FREM1: variants seen among roughly 807,000 people sequenced by gnomAD.
The protein encoded by FREM1 is FRAS1 related extracellular matrix 1, also known as FRAS1-related extracellular matrix protein 1.
In FREM1, 220 loss-of-function variants were observed where a neutral mutation model predicts 210.1. The observed-to-expected ratio is 1.05, with a 90% CI of 0.94 to 1.17. The LOEUF (loss-of-function observed/expected upper bound fraction) is 1.17, where lower values mean the gene tolerates loss of function less well. FREM1 is among the 50% of genes most tolerant of loss of function. The pLI is 0.00. For missense variants in FREM1, 3,454 were observed against 2,675.5 expected (o/e 1.29, Z -6.42); for synonymous variants, 1,189 against 980.2 (o/e 1.21, Z -3.98).
chr9:14,820,584 G>T (rs1028806760), intron 13 of FREM1, among the ~76,000 whole-genome samples: 3 of 152,214 alleles, frequency 2.0e-5, no homozygotes, highest in Non-Finnish European at 2.9e-5. Flanking sequence ...TGGACACCAC[G>T]GCACAGTGCT....
rs886063773 is a variant in FREM1 at position 14,869,037 on chromosome 9, T to A, written c.-60A>T. ...GAAATCCCTTTAACAAAGGAGGGCTTCTGTGCTTCCTCCTGGAGGGTCAGC... is the reference window on the plus strand; with the variant it reads ...GAAATCCCTTTAACAAAGGAGGGCTACTGTGCTTCCTCCTGGAGGGTCAGC... On this transcript the variant is annotated 5_prime_UTR_variant, in exon 2 of 37. Coordinates refer to ENST00000380880, the MANE Select transcript of FREM1 (RefSeq NM_001379081.2). 17 of 1,211,784 alleles carry A rather than the reference T, an allele frequency of 1.4e-5. No homozygotes were observed. The highest frequency in any genetic ancestry group is 1.9e-5 in the Non-Finnish European group (17 of 875,394). 75.1% of individuals were successfully genotyped at this position (1,211,784 alleles called of 1,614,324 possible).
chr9:14,786,401 A>C (rs1239199328), intron 23 of FREM1, among the ~76,000 whole-genome samples: 1 of 152,218 alleles, frequency 6.6e-6, no homozygotes, highest in African/African-American at 2.4e-5. Context: ...TGAACTTAAA[A>C]ACACAGTGGC....
chr9:14,876,861 T>C (rs1833856396), intron 1 of FREM1, among the ~76,000 whole-genome samples: 1 of 152,166 alleles, frequency 6.6e-6, no homozygotes, highest in African/African-American at 2.4e-5. Flanking sequence ...TTTGACAAGA[T>C]ACAATATTTT....
chr9:14,886,780 C>T (rs1264828702), intron 1 of FREM1, among the ~76,000 whole-genome samples: 1 of 151,792 alleles, frequency 6.6e-6, no homozygotes, highest in Non-Finnish European at 1.5e-5. Flanking sequence ...TGCCTGTGGT[C>T]CCAGCCACTG....
At chr9:14,891,791 C>T (rs1295157837) in intron 1 of FREM1, among the ~76,000 whole-genome samples, 2 of 152,214 alleles carry the variant, frequency 1.3e-5, no homozygotes, top group Non-Finnish European at 2.9e-5. Flanking sequence ...GTCAAAGAAT[C>T]AACAAGTAGG....
intron 25 of FREM1, among the ~76,000 whole-genome samples, chr9:14,775,124 T>C (rs1229535820): frequency 6.6e-6 from 1 of 152,204 alleles, no homozygotes; most frequent in African/African-American, 2.4e-5. Context: ...TCCTACTGAA[T>C]TCTCACCACA....
chr9:14,804,477 C>T (rs772539241), intron 19 of FREM1, among the ~76,000 whole-genome samples: 9 of 152,100 alleles, frequency 5.9e-5, no homozygotes, highest in African/African-American at 1.9e-4. Context: ...CCCAGCTACT[C>T]GGGAGGCTGA....
At chr9:14,744,066 T>C (rs1842011236) in intron 35 of FREM1, among the ~76,000 whole-genome samples, 1 of 152,076 alleles carries the variant, frequency 6.6e-6, no homozygotes, top group African/African-American at 2.4e-5. Context: ...TTTGTAAAAA[T>C]TTTAATATTT....
At chr9:14,878,848 C>A (rs1193755325) in intron 1 of FREM1, among the ~76,000 whole-genome samples, 5 of 151,870 alleles carry the variant, frequency 3.3e-5, no homozygotes, top group Admixed American at 6.6e-5. Flanking sequence ...ATTATTATAT[C>A]TAAAAAGAAA....
rs1277839785 is a variant in FREM1 at position 14,910,201 on chromosome 9, T to G, written c.-555A>C. 1 of 152,302 alleles carries G rather than the reference T, an allele frequency of 6.6e-6. No individual in the cohort carries two copies. The highest frequency in any genetic ancestry group is 1.5e-5 in the Non-Finnish European group (1 of 68,114). 9.4% of individuals were successfully genotyped at this position (152,302 alleles called of 1,614,324 possible). A position where few individuals can be genotyped will look rare whatever the true frequency, so the allele number is the denominator to read the frequency against. On this transcript the variant is annotated 5_prime_UTR_variant, in exon 1 of 37. Transcript: ENST00000380880. ...TCTTCTCCAAGGCAGCTGCTGCAGCTTTGCAAACTTCCTGAGCGCCAAGCC... is the reference window on the plus strand; with the variant it reads ...TCTTCTCCAAGGCAGCTGCTGCAGCGTTGCAAACTTCCTGAGCGCCAAGCC...
intron 3 of FREM1, among the ~76,000 whole-genome samples, chr9:14,861,480 G>A (rs1830565171): frequency 6.8e-6 from 1 of 146,748 alleles, no homozygotes; most frequent in Non-Finnish European, 1.5e-5. Flanking sequence ...TCCATTTATT[G>A]AGCATTCCCT....
intron 6 of FREM1, among the ~76,000 whole-genome samples, chr9:14,850,943 C>G (rs1402110235): frequency 6.6e-6 from 1 of 152,074 alleles, no homozygotes; most frequent in African/African-American, 2.4e-5. Flanking sequence ...AGCATTTTAC[C>G]AAAAATGTAT....
chr9:14,814,644 C>A (rs917634013), intron 15 of FREM1, among the ~76,000 whole-genome samples: 1 of 152,190 alleles, frequency 6.6e-6, no homozygotes, highest in Non-Finnish European at 1.5e-5. Context: ...TCATTTAAGA[C>A]CTTCTCCAGT....
chr9:14,796,282 C>T (rs1378201843), intron 21 of FREM1, among the ~76,000 whole-genome samples: 1 of 152,126 alleles, frequency 6.6e-6, no homozygotes, highest in Admixed American at 6.5e-5. Context: ...CTATCTACAA[C>T]ATGTCTCTTA....
At chr9:14,762,755 A>ATTTTTTTTTT (rs34136678) in intron 27 of FREM1, among the ~76,000 whole-genome samples, 1 of 137,926 alleles carries the variant, frequency 7.3e-6, no homozygotes. Context: ...TTTGAATGTG[A>ATTTTTTTTTT]TTTTTTTTTT....
At chr9:14,794,110 C>T (rs1446486963) in intron 21 of FREM1, among the ~76,000 whole-genome samples, 1 of 152,136 alleles carries the variant, frequency 6.6e-6, no homozygotes, top group Admixed American at 6.5e-5. Flanking sequence ...AATTCAATGT[C>T]TGGAAGCCAA....
intron 24 of FREM1, among the ~76,000 whole-genome samples, chr9:14,783,990 C>T (rs1289842092): frequency 1.3e-5 from 2 of 152,182 alleles, no homozygotes; most frequent in Non-Finnish European, 2.9e-5. Flanking sequence ...CTATCTTTAG[C>T]TGGGAGCCTC....
intron 1 of FREM1, among the ~76,000 whole-genome samples, chr9:14,902,227 G>A (rs1838914003): frequency 6.6e-6 from 1 of 152,124 alleles, no homozygotes; most frequent in Non-Finnish European, 1.5e-5. Flanking sequence ...AGATCTCTCT[G>A]GCCACAGAGC....
chr9:14,764,894 G>C (rs1846110313), intron 27 of FREM1, among the ~76,000 whole-genome samples: 1 of 152,160 alleles, frequency 6.6e-6, no homozygotes, highest in Non-Finnish European at 1.5e-5. Flanking sequence ...AGGTTAACAA[G>C]AGTCTGTGAA....
Sources: gnomAD v4.1 joint callset for allele counts (sites outside exome capture counted in the v4.1 genomes callset) on GRCh38, gnomAD v4.1.1 for gene constraint, MANE v1.5 for transcripts, NCBI Gene and HGNC (gene_info 2026-07-23, HGNC 2026-07-21) for gene names.